The following MBD5 variants were observed in gnomAD, a reference collection of about 807,000 sequenced individuals.
The protein encoded by MBD5 is methyl-CpG-binding domain protein 5.
MBD5 carries 13 observed loss-of-function variants against 117.3 expected under a neutral mutation model. The ratio of observed to expected loss-of-function variants is 0.11; its 90% CI spans 0.07 to 0.18. MBD5 has a LOEUF of 0.18. Among genes scored for constraint, MBD5 ranks in the 10% least tolerant of loss-of-function variants. The pLI is 1.00. For synonymous variants in MBD5, 727 were observed against 766.4 expected (o/e 0.95, Z 0.85); for missense variants, 1,879 against 2,093.8 (o/e 0.90, Z 2.00).
chr2:148,513,712 A>T lies in MBD5; in HGVS notation c.*771A>T, dbSNP rs1423965159. 3 of 152,204 alleles carry T rather than the reference A, an allele frequency of 2.0e-5. No individual in the cohort carries two copies. Among genetic ancestry groups the T allele is most frequent in the African/African-American group, 7.2e-5 (3 of 41,456 alleles). 9.4% of individuals were successfully genotyped at this position (152,204 alleles called of 1,614,324 possible). ...TTCAGAAACTGCAACCATTTGTTGC[A>T]TATTTTTTTTACCTAAGTTTTAAAA... On this transcript the variant is annotated 3_prime_UTR_variant, in exon 14 of 14. Coordinates refer to ENST00000642680, the MANE Select transcript of MBD5 (RefSeq NM_001378120.1).
intron 2 of MBD5, among the ~76,000 whole-genome samples, chr2:148,206,539 A>G (rs1558972321): frequency 6.6e-6 from 1 of 152,092 alleles, no homozygotes; most frequent in Non-Finnish European, 1.5e-5. Context: ...TTGCTATTGA[A>G]CCCTAGAACT....
At chr2:148,052,335 T>C (rs1694734001) in intron 1 of MBD5, among the ~76,000 whole-genome samples, 1 of 149,180 alleles carries the variant, frequency 6.7e-6, no homozygotes, top group African/African-American at 2.5e-5. Flanking sequence ...CTCAGCCTCC[T>C]GAGTTGCTGG....
rs1695375785 is a variant in MBD5 at position 148,072,219 on chromosome 2, C to G, written c.-925+50535C>G. On this transcript the variant is annotated intron_variant, in intron 1 of 13. Coordinates refer to ENST00000642680, the MANE Select transcript of MBD5 (RefSeq NM_001378120.1). ...GACTTGAAATTCAAGTGAAAAATAC[C>G]TTTGGGTAATTAGACTACACAAACT... Among the ~76,000 whole-genome samples the G allele has an allele frequency of 2.6e-5, 4 of 152,006 alleles. No homozygotes were observed. In the South Asian group the frequency reaches 8.3e-4, roughly 32 times the overall value.
At chr2:148,320,376 A>G (rs1702255778) in intron 3 of MBD5, among the ~76,000 whole-genome samples, 1 of 151,962 alleles carries the variant, frequency 6.6e-6, no homozygotes. Context: ...TGGTTGTTTG[A>G]CAGAATCTCA....
intron 3 of MBD5, among the ~76,000 whole-genome samples, chr2:148,305,278 A>G (rs1222459554): frequency 2.0e-5 from 3 of 152,148 alleles, no homozygotes; most frequent in Non-Finnish European, 4.4e-5. Flanking sequence ...GTTTCTGTCA[A>G]TCCTCCCTGT....
chr2:148,126,982 T>C (rs868103645), intron 1 of MBD5, among the ~76,000 whole-genome samples: 27 of 150,296 alleles, frequency 1.8e-4, no homozygotes, highest in African/African-American at 4.1e-4. Flanking sequence ...TCTTTCTTTT[T>C]TTTTTTTTTT....
intron 1 of MBD5, among the ~76,000 whole-genome samples, chr2:148,135,893 G>A (rs1456449281): frequency 2.6e-5 from 4 of 152,114 alleles, no homozygotes; most frequent in African/African-American, 9.7e-5. Flanking sequence ...CAGCAAAGGC[G>A]AAGACCTCTC....
chr2:148,153,685 T>TCATTTCATC (rs1275532994), intron 1 of MBD5, among the ~76,000 whole-genome samples: 361 of 143,550 alleles, frequency 2.5e-3, no homozygotes, highest in Middle Eastern at 0.011. Flanking sequence ...TTCATTTCAT[T>TCATTTCATC]CATTTCATCT....
intron 1 of MBD5, among the ~76,000 whole-genome samples, chr2:148,118,906 A>T (rs1458186722): frequency 2.6e-5 from 4 of 152,210 alleles, no homozygotes; most frequent in Non-Finnish European, 5.9e-5. Flanking sequence ...GTATGGATAT[A>T]TACCACATTT....
In MBD5 at chr2:148,458,788, G is replaced by A. The variant is rs1360980312; in HGVS notation, c.30G>A (p.Gly10=). 1.2e-6 allele frequency: 2 copies of A among 1,613,626 alleles called. No homozygotes were observed. The highest frequency in any genetic ancestry group is 1.7e-6 in the Non-Finnish European group (2 of 1,179,678). Residue 10 remains glycine, a synonymous_variant, in exon 5 of 14, where the codon GGG becomes GGA. Coordinates refer to ENST00000642680, the MANE Select transcript of MBD5 (RefSeq NM_001378120.1). MNGGKECDG[G]DKEGGLPAIQ... is the part of the protein sequence containing the mutation. ...ATGGAGGCAAAGAGTGTGACGGAGG[G>A]GACAAGGAAGGAGGTCTTCCAGCTA...
intron 1 of MBD5, among the ~76,000 whole-genome samples, chr2:148,167,373 GAAGACTGT>G (rs1177415140): frequency 6.6e-6 from 1 of 152,020 alleles, no homozygotes; most frequent in Non-Finnish European, 1.5e-5. Context: ...TGTCTTCTAA[GAAGACTGT>G]AAGTTCTGAT....
At chr2:148,459,514 C>G (rs1706998119) in intron 5 of MBD5, among the ~76,000 whole-genome samples, 1 of 152,082 alleles carries the variant, frequency 6.6e-6, no homozygotes, top group South Asian at 2.1e-4. Flanking sequence ...TAGTCTTACT[C>G]ATTAAATAGT....
At chr2:148,241,812 C>T (rs974403668) in intron 3 of MBD5, among the ~76,000 whole-genome samples, 3 of 152,090 alleles carry the variant, frequency 2.0e-5, no homozygotes, top group African/African-American at 7.2e-5. Context: ...TCTATTTCTG[C>T]CTTCATTTGG....
At chr2:148,299,568 C>A (rs957910363) in intron 3 of MBD5, among the ~76,000 whole-genome samples, 1 of 152,176 alleles carries the variant, frequency 6.6e-6, no homozygotes, top group Non-Finnish European at 1.5e-5. Flanking sequence ...AAATGAAGGA[C>A]CGACCTTCTG....
chr2:148,305,657 T>C (rs1001079080), intron 3 of MBD5, among the ~76,000 whole-genome samples: 3 of 152,214 alleles, frequency 2.0e-5, no homozygotes, highest in Non-Finnish European at 4.4e-5. Context: ...CAATCTGTTA[T>C]GGTAATTTGT....
At chr2:148,386,151 G>A (rs561665195) in intron 4 of MBD5, among the ~76,000 whole-genome samples, 1 of 151,812 alleles carries the variant, frequency 6.6e-6, no homozygotes, top group Non-Finnish European at 1.5e-5. Flanking sequence ...CAAATTAAAT[G>A]ACCTAGATTT....
rs185813551 is a variant in MBD5, at chr2:148,380,287, A to G, written c.-557+37951A>G. On this transcript the variant is annotated intron_variant, in intron 4 of 13. Transcript: ENST00000642680. Reference sequence around the variant, plus strand: ...TCAGCAGTATAATAAATCTTAATATACATTTGTCTGTATTGAACTGTGTAC... The same window carrying G: ...TCAGCAGTATAATAAATCTTAATATGCATTTGTCTGTATTGAACTGTGTAC... 7.2e-5 allele frequency among the ~76,000 whole-genome samples: 11 copies of G among 152,284 alleles called. No homozygotes were observed. In the East Asian group the frequency reaches 1.9e-3, roughly 27 times the overall value.
intron 4 of MBD5, among the ~76,000 whole-genome samples, chr2:148,351,755 T>C (rs1347320643): frequency 6.6e-6 from 1 of 152,076 alleles, no homozygotes; most frequent in Non-Finnish European, 1.5e-5. Context: ...GCTGCCAATA[T>C]GTGTTTTCCT....
chr2:148,208,986 A>AT (rs1319174927), intron 2 of MBD5, among the ~76,000 whole-genome samples: 2 of 152,022 alleles, frequency 1.3e-5, no homozygotes, highest in South Asian at 2.1e-4. Flanking sequence ...GTGATACTAC[A>AT]TTTTTTCAAA....
Sources: allele counts gnomAD v4.1 joint callset (sites outside exome capture counted in the v4.1 genomes callset), GRCh38; gene constraint gnomAD v4.1.1; transcripts MANE v1.5; gene names NCBI Gene and HGNC (gene_info 2026-07-23, HGNC 2026-07-21).